The following KANK1 variants were observed in gnomAD, a reference collection of about 807,000 sequenced individuals.
KANK1 encodes the protein KN motif and ankyrin repeat domain-containing protein 1.
Under a neutral mutation model 106.2 loss-of-function variants are expected in KANK1, and 109 were observed. The observed-to-expected ratio is 1.03, with a 90% CI of 0.88 to 1.20. The LOEUF (loss-of-function observed/expected upper bound fraction) is 1.20. Ranked by LOEUF, KANK1 falls within the 50% of genes most tolerant of loss-of-function variation. The probability of loss-of-function intolerance (pLI) is 0.00; values close to 1 mark genes in which losing one functional copy is unlikely to be tolerated. For synonymous variants in KANK1, 873 were observed against 652.2 expected, an observed-to-expected ratio of 1.34 and a Z score of -5.16; for missense variants, 2,399 against 1,710.7, an observed-to-expected ratio of 1.40 and a Z score of -7.10.
intron 2 of KANK1, among the ~76,000 whole-genome samples, chr9:699,510 T>G (rs1353883902): frequency 6.6e-6 from 1 of 152,100 alleles, no homozygotes. Context: ...TTAATGTCTG[T>G]TAAAAAAGTC....
intron 1 of KANK1, among the ~76,000 whole-genome samples, chr9:639,950 G>A (rs1006877585): frequency 1.3e-5 from 2 of 152,148 alleles, no homozygotes; most frequent in Non-Finnish European, 2.9e-5. Flanking sequence ...CTACCCTGAT[G>A]ATTTAATCAC....
chr9:498,342 C>G (rs895356700), intron 3 of KANK1, among the ~76,000 whole-genome samples: 3 of 152,106 alleles, frequency 2.0e-5, no homozygotes, highest in Admixed American at 6.5e-5. Flanking sequence ...GCTTGTATAA[C>G]GCGTGGTCAT....
intron 1 of KANK1, among the ~76,000 whole-genome samples, chr9:656,496 G>A (rs1588629151): frequency 6.6e-6 from 1 of 152,112 alleles, no homozygotes. Flanking sequence ...TCTCCTGGGT[G>A]TGGCCTGTCA....
intron 2 of KANK1, among the ~76,000 whole-genome samples, chr9:698,503 T>C (rs770814302): frequency 1.3e-5 from 2 of 152,146 alleles, no homozygotes; most frequent in Non-Finnish European, 2.9e-5. Context: ...AATAGCAGAA[T>C]GAGGTAACAG....
intron 3 of KANK1, chr9:476,703 T>C (rs2058110584): frequency 6.6e-6 from 1 of 152,236 alleles, no homozygotes; most frequent in Non-Finnish European, 1.5e-5. Context: ...GACTCTGTTC[T>C]CTGCACACTA....
At position 644,946 on chromosome 9, in the gene KANK1, C is replaced by A. The variant is rs905103313; in HGVS notation, c.-83-31944C>A. The stretch of plus-strand genomic sequence containing the variant: ...GACCAGCCTGGGCAACATGGTGAAA[C>A]CCTCTCTCTACTAAAATACAAAAGA... On this transcript the variant is annotated intron_variant, in intron 1 of 11. Coordinates refer to ENST00000382297, the MANE Select transcript of KANK1 (RefSeq NM_015158.5). Among the ~76,000 whole-genome samples, 8 of 149,994 alleles carry A rather than the reference C, an allele frequency of 5.3e-5. 1 individual carries two copies. The highest frequency in any genetic ancestry group is 2.0e-4 in the African/African-American group (8 of 39,568).
At chr9:562,350 C>T (rs1027714145) in intron 1 of KANK1, among the ~76,000 whole-genome samples, 4 of 152,160 alleles carry the variant, frequency 2.6e-5, no homozygotes, top group Non-Finnish European at 5.9e-5. Context: ...CCGCGCCCGG[C>T]CCAAGTAAAT....
intron 2 of KANK1, among the ~76,000 whole-genome samples, chr9:687,171 G>C (rs570839318): frequency 2.6e-5 from 4 of 152,118 alleles, no homozygotes; most frequent in African/African-American, 9.7e-5. Flanking sequence ...TGACCATACA[G>C]ATGTATTTGG....
chr9:733,531 A>G (rs1005458202), intron 6 of KANK1: 2 of 152,214 alleles, frequency 1.3e-5, no homozygotes, highest in East Asian at 1.9e-4. Flanking sequence ...CGATGGATAT[A>G]TGGTAATTTG....
chr9:722,344 T>TCTGC (rs1435674101), intron 3 of KANK1, among the ~76,000 whole-genome samples: 3 of 152,188 alleles, frequency 2.0e-5, no homozygotes, highest in Non-Finnish European at 4.4e-5. Context: ...TCTCTGTCTG[T>TCTGC]CTGCCTCTCT....
intron 1 of KANK1, among the ~76,000 whole-genome samples, chr9:600,934 TCA>T (rs1396044157): frequency 1.3e-5 from 2 of 151,668 alleles, no homozygotes; most frequent in Admixed American, 1.3e-4. Flanking sequence ...TTCAGGAGGG[TCA>T]CTGTGATGTT....
chr9:656,736 A>G (rs912170), intron 1 of KANK1, among the ~76,000 whole-genome samples: 42,990 of 152,088 alleles, frequency 0.28, 8,681 homozygotes, highest in East Asian at 0.55. Context: ...CTGTGACAAT[A>G]AAAAAGCAGA....
At position 712,410 on chromosome 9, in the gene KANK1, C is replaced by T. The variant is rs763994247; in HGVS notation, c.1644C>T (p.Gly548=). ...VGTSVETNSV[G]ISCQPECKNK... is the part of the protein sequence containing the mutation. Reference sequence around the variant, plus strand: ...CCTCCGTGGAAACAAACAGTGTAGGCATCTCCTGCCAGCCTGAATGTAAGA... The same window carrying T: ...CCTCCGTGGAAACAAACAGTGTAGGTATCTCCTGCCAGCCTGAATGTAAGA... Residue 548 remains glycine, a synonymous_variant, in exon 3 of 12, where the codon GGC becomes GGT. Transcript: ENST00000382297. 5 of 1,614,128 alleles carry T rather than the reference C, an allele frequency of 3.1e-6. No individual in the cohort carries two copies. The East Asian group carries it at 8.9e-5, about 29-fold the overall frequency.
At chr9:692,677 T>C (rs1014232837) in intron 2 of KANK1, among the ~76,000 whole-genome samples, 1 of 150,996 alleles carries the variant, frequency 6.6e-6, no homozygotes, top group East Asian at 1.9e-4. Flanking sequence ...GTTTATGTTA[T>C]CATTTACTTT....
chr9:684,394 C>CAAGA (rs1041771265), intron 2 of KANK1: 1 of 985,244 alleles, frequency 1.0e-6, no homozygotes, highest in South Asian at 4.7e-5. Context: ...TAGGTGCCAA[C>CAAGA]AAGAAAGAAA....
At chr9:584,966 C>T (rs1256360386) in intron 1 of KANK1, among the ~76,000 whole-genome samples, 4 of 152,190 alleles carry the variant, frequency 2.6e-5, no homozygotes, top group African/African-American at 9.6e-5. Context: ...CCTGTATCTG[C>T]CATTTTGAAA....
chr9:513,220 T>C (rs2059113555), intron 1 of KANK1, among the ~76,000 whole-genome samples: 1 of 152,272 alleles, frequency 6.6e-6, no homozygotes, highest in South Asian at 2.1e-4. Context: ...TTCCCTACAC[T>C]TAGCATTTAA....
chr9:633,841 A>G (rs1441877956), intron 1 of KANK1, among the ~76,000 whole-genome samples: 1 of 152,098 alleles, frequency 6.6e-6, no homozygotes, highest in East Asian at 1.9e-4. Flanking sequence ...TAGTAGGGAC[A>G]GGGTCTCCTT....
chr9:712,281 G>A lies in KANK1; in HGVS notation c.1515G>A (p.Thr505=), dbSNP rs751384896. The A allele has an allele frequency of 1.7e-5, 27 of 1,614,096 alleles. No homozygotes were observed. Among genetic ancestry groups the A allele is most frequent in the Non-Finnish European group, 1.9e-5 (22 of 1,180,048 alleles). Residue 505 remains threonine, a synonymous_variant, in exon 3 of 12, where the codon ACG becomes ACA. Coordinates refer to ENST00000382297, the MANE Select transcript of KANK1 (RefSeq NM_015158.5). Reference sequence around the variant, plus strand: ...CGAGGAAAAAGGTTGACAAAGCCACGATGGCCCAGCCGCTTGTTTTCAGTA... The same window carrying A: ...CGAGGAAAAAGGTTGACAAAGCCACAATGGCCCAGCCGCTTGTTTTCAGTA... ...AGSRKKVDKA[T]MAQPLVFSKV...
Sources: gnomAD v4.1 joint callset for allele counts (sites outside exome capture counted in the v4.1 genomes callset) on GRCh38, gnomAD v4.1.1 for gene constraint, MANE v1.5 for transcripts, NCBI Gene and HGNC (gene_info 2026-07-23, HGNC 2026-07-21) for gene names.